Variants in DSCAM observed in about 807,000 individuals in gnomAD.
DSCAM encodes the protein cell adhesion molecule DSCAM.
DSCAM carries 47 observed loss-of-function variants against 217.7 expected under a neutral mutation model. That is an observed-to-expected ratio of 0.22 (90% CI 0.17 to 0.28). The LOEUF is 0.28. DSCAM is among the 10% of genes least tolerant of loss of function. The pLI is 1.00. For missense variants in DSCAM, 2,080 were observed against 2,618.3 expected (o/e 0.79, Z 4.49); for synonymous variants, 1,056 against 1,015.3 (o/e 1.04, Z -0.76).
At chr21:40,401,858 T>C (rs1440609296) in intron 3 of DSCAM, among the ~76,000 whole-genome samples, 1 of 151,902 alleles carries the variant, frequency 6.6e-6, no homozygotes, top group South Asian at 2.1e-4. Flanking sequence ...CATGGGCCCG[T>C]CTTGCCAGCT....
At chr21:40,316,797 T>A (rs143432031) in intron 8 of DSCAM, among the ~76,000 whole-genome samples, 9 of 152,326 alleles carry the variant, frequency 5.9e-5, no homozygotes, top group African/African-American at 2.2e-4. Context: ...CAATTTTGAC[T>A]CTTACTCTAT....
At chr21:40,779,032 GAAAAAAAAA>G (rs772208075) in intron 1 of DSCAM, among the ~76,000 whole-genome samples, 4 of 45,534 alleles carry the variant, frequency 8.8e-5, no homozygotes, top group East Asian at 8.7e-4. Flanking sequence ...CTCAAAAACA[GAAAAAAAAA>G]AAAAAAAAAA....
intron 3 of DSCAM, among the ~76,000 whole-genome samples, chr21:40,374,716 T>A (rs973688728): frequency 2.0e-5 from 3 of 152,192 alleles, no homozygotes; most frequent in Non-Finnish European, 4.4e-5. Context: ...TGGGAAGTAA[T>A]TAGGTATAGG....
chr21:40,559,525 A>G (rs2146180042), intron 3 of DSCAM, among the ~76,000 whole-genome samples: 1 of 152,052 alleles, frequency 6.6e-6, no homozygotes, highest in Middle Eastern at 3.4e-3. Flanking sequence ...GTTAAGAGAA[A>G]CAGCCTCTCA....
chr21:40,295,198 C>A (rs1293087016), intron 10 of DSCAM, among the ~76,000 whole-genome samples: 1 of 151,742 alleles, frequency 6.6e-6, no homozygotes, highest in African/African-American at 2.4e-5. Context: ...AAAAAAAGGT[C>A]ATGATTGACT....
chr21:40,730,854 A>C (rs973699407), intron 1 of DSCAM, among the ~76,000 whole-genome samples: 2 of 152,234 alleles, frequency 1.3e-5, no homozygotes, highest in African/African-American at 4.8e-5. Context: ...ACTAAAGCCC[A>C]AAACAGAAAT....
chr21:40,770,487 A>T (rs2091434876), intron 1 of DSCAM, among the ~76,000 whole-genome samples: 1 of 152,224 alleles, frequency 6.6e-6, no homozygotes, highest in Non-Finnish European at 1.5e-5. Context: ...CTCATCTGTA[A>T]GAGTTATTCG....
intron 16 of DSCAM, among the ~76,000 whole-genome samples, chr21:40,149,494 TCAC>T (rs1202988085): frequency 2.8e-5 from 4 of 140,600 alleles, no homozygotes; most frequent in Non-Finnish European, 4.6e-5. Context: ...AACAGCACTG[TCAC>T]CACAACATCC....
At chr21:40,342,498 AT>A (rs2074503753) in intron 6 of DSCAM, among the ~76,000 whole-genome samples, 1 of 151,230 alleles carries the variant, frequency 6.6e-6, no homozygotes, top group African/African-American at 2.4e-5. Context: ...TAGCAACTTA[AT>A]TTTGTGTGGA....
At chr21:40,398,815 A>G (rs1225331047) in intron 3 of DSCAM, among the ~76,000 whole-genome samples, 3 of 151,880 alleles carry the variant, frequency 2.0e-5, no homozygotes, top group African/African-American at 7.3e-5. Flanking sequence ...TTGTATTTTT[A>G]GTAGGGACGG....
intron 3 of DSCAM, among the ~76,000 whole-genome samples, chr21:40,582,417 C>A (rs2076912672): frequency 6.6e-6 from 1 of 152,084 alleles, no homozygotes; most frequent in Non-Finnish European, 1.5e-5. Flanking sequence ...TACACAGAAA[C>A]CAGATTCAGA....
intron 3 of DSCAM, among the ~76,000 whole-genome samples, chr21:40,552,539 G>T (rs2076638943): frequency 6.6e-6 from 1 of 152,156 alleles, no homozygotes; most frequent in Non-Finnish European, 1.5e-5. Context: ...CACACTCACT[G>T]TCCTGAAATC....
At chr21:40,228,550 C>G (rs918179151) in intron 11 of DSCAM, among the ~76,000 whole-genome samples, 2 of 152,086 alleles carry the variant, frequency 1.3e-5, no homozygotes, top group African/African-American at 4.8e-5. Context: ...GATTTAACCA[C>G]TGGGAACTCC....
At chr21:40,354,812 G>A (rs1203488087) in intron 4 of DSCAM, among the ~76,000 whole-genome samples, 1 of 140,066 alleles carries the variant, frequency 7.1e-6, no homozygotes, top group Non-Finnish European at 1.5e-5. Flanking sequence ...TAGCGCCACT[G>A]CAGTCCGGCC....
At chr21:40,349,327 AC>A (rs1489929495) in intron 5 of DSCAM, among the ~76,000 whole-genome samples, 74 of 151,832 alleles carry the variant, frequency 4.9e-4, no homozygotes, top group African/African-American at 1.8e-3. Flanking sequence ...GAAAAAAAAA[AC>A]AAAAACAGGT....
intron 18 of DSCAM, among the ~76,000 whole-genome samples, chr21:40,142,219 T>C (rs1210683356): frequency 6.6e-6 from 1 of 152,178 alleles, no homozygotes; most frequent in Non-Finnish European, 1.5e-5. Flanking sequence ...GCCAACATTT[T>C]AGAATACATA....
At chr21:40,615,718 T>C (rs1437302405) in intron 3 of DSCAM, among the ~76,000 whole-genome samples, 1 of 152,090 alleles carries the variant, frequency 6.6e-6, no homozygotes, top group Non-Finnish European at 1.5e-5. Context: ...GGATGTGTAA[T>C]AACATGCAGA....
At chr21:40,063,114 A>G (rs938019664) in intron 27 of DSCAM, among the ~76,000 whole-genome samples, 4 of 152,214 alleles carry the variant, frequency 2.6e-5, no homozygotes, top group African/African-American at 9.6e-5. Context: ...AAATATCAAC[A>G]TAACTATCCT....
chr21:40,355,904 G>A (rs553539284), intron 4 of DSCAM, among the ~76,000 whole-genome samples: 21 of 152,278 alleles, frequency 1.4e-4, no homozygotes, highest in African/African-American at 2.4e-4. Flanking sequence ...CTTTCTGTGC[G>A]TGGCTTACTT....
Sources: allele counts gnomAD v4.1 joint callset (sites outside exome capture counted in the v4.1 genomes callset), GRCh38; gene constraint gnomAD v4.1.1; transcripts MANE v1.5; gene names NCBI Gene and HGNC (gene_info 2026-07-23, HGNC 2026-07-21).